Variants in RFX3 observed in about 807,000 individuals in gnomAD.
RFX3 encodes the protein regulatory factor X3, also known as transcription factor RFX3.
In RFX3, 14 loss-of-function variants were observed where a neutral mutation model predicts 98.6. The observed-to-expected ratio is 0.14, with a 90% CI of 0.09 to 0.22. The LOEUF (loss-of-function observed/expected upper bound fraction) is 0.22. RFX3 is among the 10% of genes least tolerant of loss of function. The pLI is 1.00. For synonymous variants in RFX3, 383 were observed against 328.4 expected (o/e 1.17, Z -1.80); for missense variants, 639 against 926.9 (o/e 0.69, Z 4.03).
chr9:3,499,109 A>G (rs1851309860), intron 1 of RFX3, among the ~76,000 whole-genome samples: 1 of 152,086 alleles, frequency 6.6e-6, no homozygotes, highest in African/African-American at 2.4e-5. Context: ...ATTTGGTAAA[A>G]CAAACAATGA....
rs1211045359 is a variant in RFX3, at chr9:3,221,600, A to G, written c.*3442T>C. On this transcript the variant is annotated 3_prime_UTR_variant, in exon 17 of 17. Transcript: ENST00000617270. ...GCAGTAAGACTTATACAGTCAGTCC[A>G]AACACAGTTTGGATGAAAATCCTGA... 1 of 152,200 alleles carries G rather than the reference A, an allele frequency of 6.6e-6. No homozygotes were observed. The highest frequency in any genetic ancestry group is 1.5e-5 in the Non-Finnish European group (1 of 68,016). 9.4% of individuals were successfully genotyped at this position (152,200 alleles called of 1,614,324 possible). A position where few individuals can be genotyped will look rare whatever the true frequency, so the allele number is the denominator to read the frequency against.
intron 13 of RFX3, among the ~76,000 whole-genome samples, chr9:3,260,839 T>A (rs999629726): frequency 2.0e-5 from 3 of 150,270 alleles, no homozygotes; most frequent in African/African-American, 7.3e-5. Context: ...AAACTTCATA[T>A]ATATAGTTTT....
chr9:3,363,406 C>T (rs1836683878), intron 2 of RFX3, among the ~76,000 whole-genome samples: 2 of 152,104 alleles, frequency 1.3e-5, no homozygotes, highest in South Asian at 4.1e-4. Context: ...GATACAGATT[C>T]ATACTTACTC....
chr9:3,488,942 C>A, intron 1 of RFX3: 1 of 962,218 alleles, frequency 1.0e-6, no homozygotes, highest in Non-Finnish European at 1.2e-6. Context: ...GTACCTTGTT[C>A]CCTGTGAAGA....
intron 5 of RFX3, among the ~76,000 whole-genome samples, chr9:3,300,346 G>A (rs933229494): frequency 6.6e-6 from 1 of 151,546 alleles, no homozygotes; most frequent in African/African-American, 2.4e-5. Flanking sequence ...TCTCCAAGTT[G>A]GCTAACCTGG....
chr9:3,316,535 G>A (rs1231075099), intron 4 of RFX3, among the ~76,000 whole-genome samples: 1 of 152,152 alleles, frequency 6.6e-6, no homozygotes, highest in Non-Finnish European at 1.5e-5. Flanking sequence ...TGGCAATCAG[G>A]CAAGAGAAAG....
At position 3,354,291 on chromosome 9, in the gene RFX3, T is replaced by C. The variant is rs552261461; in HGVS notation, c.118-7527A>G. Among the ~76,000 whole-genome samples, 7 of 151,988 alleles carry C rather than the reference T, an allele frequency of 4.6e-5. No homozygotes were observed. The East Asian group carries it at 9.7e-4, about 21-fold the overall frequency. ...AACACGAACAGAAGAACATCATCAA[T>C]GTACAGACAAAGAAGCCAAAGTTGC... On this transcript the variant is annotated intron_variant, in intron 2 of 16. Transcript: ENST00000617270.
Position 3,277,414 on chromosome 9 carries a change from C to A in RFX3, c.899G>T (p.Gly300Val). ...AGATGTGCCTGTCTGTTGACCACTT[C>A]CTGTGAAACCATCTGCAACCCCATC... Reference protein sequence around the residue: ...KVDGVADGFTGSGQQTGTSVE... With the variant: ...KVDGVADGFTVSGQQTGTSVE... Residue 300 changes from glycine (G) to valine (V), a missense_variant, in exon 8 of 17, where the codon GGA becomes GTA. By Grantham distance (109) the Gly-to-Val change is moderately radical (BLOSUM62 -3). Transcript: ENST00000617270. 6.2e-7 allele frequency: 1 copy of A among 1,612,650 alleles called. No homozygotes were observed. The highest frequency in any genetic ancestry group is 8.5e-7 in the Non-Finnish European group (1 of 1,178,914).
chr9:3,273,680 A>C (rs2131373319), intron 9 of RFX3, among the ~76,000 whole-genome samples: 1 of 152,160 alleles, frequency 6.6e-6, no homozygotes, highest in Admixed American at 6.5e-5. Context: ...CCTGGCCAAC[A>C]CAGTGAAACC....
At chr9:3,434,003 G>C (rs1334553343) in intron 1 of RFX3, among the ~76,000 whole-genome samples, 3 of 152,140 alleles carry the variant, frequency 2.0e-5, no homozygotes, top group Non-Finnish European at 2.9e-5. Context: ...CTAGAACAGT[G>C]TTTCTCAATC....
chr9:3,482,308 G>GAAGCACACCCAAGAGTGCCAGAGT (rs1178816620), intron 1 of RFX3, among the ~76,000 whole-genome samples: 1 of 151,596 alleles, frequency 6.6e-6, no homozygotes, highest in Non-Finnish European at 1.5e-5. Flanking sequence ...CACACAAGCA[G>GAAGCACACCCAAGAGTGCCAGAGT]AAGCACACCC....
chr9:3,372,602 C>T (rs1015710677), intron 2 of RFX3, among the ~76,000 whole-genome samples: 3 of 145,694 alleles, frequency 2.1e-5, no homozygotes, highest in Admixed American at 7.1e-5. Flanking sequence ...GGCTGGAGTG[C>T]GGTGGTGTGA....
intron 6 of RFX3, among the ~76,000 whole-genome samples, chr9:3,291,611 C>G (rs539042103): frequency 2.0e-5 from 3 of 152,132 alleles, no homozygotes; most frequent in Admixed American, 6.5e-5. Flanking sequence ...AGCTCCCAGT[C>G]ATGTAAAACT....
chr9:3,318,765 A>G (rs2130690247), intron 4 of RFX3, among the ~76,000 whole-genome samples: 1 of 152,328 alleles, frequency 6.6e-6, no homozygotes, highest in African/African-American at 2.4e-5. Context: ...ATTTTGTACC[A>G]AAGTTGTAAC....
chr9:3,339,922 C>CA (rs1430179161), intron 3 of RFX3, among the ~76,000 whole-genome samples: 1 of 151,744 alleles, frequency 6.6e-6, no homozygotes, highest in Non-Finnish European at 1.5e-5. Flanking sequence ...CATATGGAAC[C>CA]AAAAAAGAGC....
intron 6 of RFX3, among the ~76,000 whole-genome samples, chr9:3,291,093 G>A (rs1311341260): frequency 2.6e-5 from 4 of 152,180 alleles, no homozygotes; most frequent in Non-Finnish European, 5.9e-5. Flanking sequence ...GGCTGGGTGC[G>A]GTGGCTCACG....
intron 1 of RFX3, among the ~76,000 whole-genome samples, chr9:3,513,604 T>G (rs1817850527): frequency 6.6e-6 from 1 of 152,148 alleles, no homozygotes; most frequent in African/African-American, 2.4e-5. Flanking sequence ...GAGGCTTACA[T>G]CATTAAAGAA....
intron 1 of RFX3, among the ~76,000 whole-genome samples, chr9:3,505,756 C>T (rs1386754267): frequency 6.6e-6 from 1 of 150,422 alleles, no homozygotes; most frequent in Non-Finnish European, 1.5e-5. Flanking sequence ...TCTCCACCCC[C>T]ATCATTTACA....
chr9:3,320,407 A>G (rs1831127361), intron 4 of RFX3, among the ~76,000 whole-genome samples: 3 of 151,858 alleles, frequency 2.0e-5, no homozygotes, highest in Admixed American at 2.0e-4. Flanking sequence ...TACAAAAGCT[A>G]GCCGGGTGTG....
Sources: allele counts gnomAD v4.1 joint callset (sites outside exome capture counted in the v4.1 genomes callset), GRCh38; gene constraint gnomAD v4.1.1; transcripts MANE v1.5; gene names NCBI Gene and HGNC (gene_info 2026-07-23, HGNC 2026-07-21).